EIF4E3: variants seen among roughly 807,000 people sequenced by gnomAD.
EIF4E3 encodes eukaryotic translation initiation factor 4E family member 3, also known as eukaryotic translation initiation factor 4E type 3.
Under a neutral mutation model 31.7 loss-of-function variants are expected in EIF4E3, and 26 were observed. The ratio of observed to expected loss-of-function variants is 0.82; its 90% CI spans 0.60 to 1.14. The LOEUF is 1.14. EIF4E3 is among the 50% of genes most tolerant of loss of function. EIF4E3 has a pLI of 0.00. For missense variants in EIF4E3, 304 were observed against 270.9 expected (o/e 1.12, Z -0.86); for synonymous variants, 128 against 107.7 (o/e 1.19, Z -1.17).
upstream of EIF4E3, chr3:71,754,200 C>A (rs2049974162): frequency 1.4e-6 from 2 of 1,413,852 alleles, no homozygotes; most frequent in East Asian, 3.2e-5. The surrounding 1 kb of genome is among the most constrained non-coding windows in gnomAD (Gnocchi z 5.8). Context: ...CAGCCTGCAC[C>A]GCGCCCCGTA....
At chr3:71,743,226 G>A (rs1331400209) in intron 1 of EIF4E3, among the ~76,000 whole-genome samples, 1 of 152,136 alleles carries the variant, frequency 6.6e-6, no homozygotes, top group Non-Finnish European at 1.5e-5. Flanking sequence ...CAAGACGCAT[G>A]TCTATGTAGA....
Position 71,691,347 on chromosome 3 carries a change from A to G in EIF4E3, c.473-1182T>C, listed in dbSNP as rs949021563. On this transcript the variant is annotated intron_variant, in intron 5 of 6. Transcript: ENST00000425534. Reference sequence around the variant, plus strand: ...TAAATAAAAACATATCCAATTTACTAAAAGAAATAATCGGCAGTAAAGTAA... The same window carrying G: ...TAAATAAAAACATATCCAATTTACTGAAAGAAATAATCGGCAGTAAAGTAA... Among the ~76,000 whole-genome samples the G allele has an allele frequency of 2.6e-5, 4 of 152,252 alleles. 1 individual carries two copies. The highest frequency in any genetic ancestry group is 5.9e-5 in the Non-Finnish European group (4 of 68,052).
rs558043047 is a variant in EIF4E3 at position 71,699,176 on chromosome 3, G to C, written c.344+438C>G. On this transcript the variant is annotated intron_variant, in intron 3 of 6. Coordinates refer to ENST00000425534, the MANE Select transcript of EIF4E3 (RefSeq NM_001134651.2). Reference sequence around the variant, plus strand: ...TGGGAGGTCAAGGCTGTGGTGAGCCGTGATGGTGCCACTGCACTCCAGCCT... The same window carrying C: ...TGGGAGGTCAAGGCTGTGGTGAGCCCTGATGGTGCCACTGCACTCCAGCCT... Among the ~76,000 whole-genome samples, 309 of 152,216 alleles carry C rather than the reference G, an allele frequency of 2.0e-3. 2 individuals are homozygous for C. The highest frequency in any genetic ancestry group is 1.0e-3 in the Non-Finnish European group (69 of 68,026).
At chr3:71,671,061 C>T (rs1209248567), downstream of EIF4E3, among the ~76,000 whole-genome samples, 2 of 152,022 alleles carry the variant, frequency 1.3e-5, no homozygotes, top group Non-Finnish European at 2.9e-5. Flanking sequence ...AACAGCTGAA[C>T]CTCTGTGTGC....
At chr3:71,689,299 G>A (rs2049031725) in intron 6 of EIF4E3, among the ~76,000 whole-genome samples, 1 of 152,178 alleles carries the variant, frequency 6.6e-6, no homozygotes, top group African/African-American at 2.4e-5. Flanking sequence ...TAGGGCTGTC[G>A]TCCTTTTCTC....
chr3:71,708,116 C>T (rs956980992), intron 2 of EIF4E3, among the ~76,000 whole-genome samples: 4 of 152,102 alleles, frequency 2.6e-5, no homozygotes, highest in African/African-American at 4.8e-5. Context: ...TCAAGTGATC[C>T]GCCCACCTTG....
chr3:71,739,380 C>A (rs1247120132), intron 1 of EIF4E3, among the ~76,000 whole-genome samples: 1 of 152,082 alleles, frequency 6.6e-6, no homozygotes, highest in Non-Finnish European at 1.5e-5. Context: ...AAAGTATCCA[C>A]TACCAGTAAA....
rs1169871921 is a variant in EIF4E3 at position 71,683,953 on chromosome 3, T to C, written c.*729A>G. ...AATTAAAATTCGGGTTAGAAATGTT[T>C]CCACAGAGGGTCCAAAGACTTAGAG... On this transcript the variant is annotated 3_prime_UTR_variant, in exon 7 of 7. Transcript: ENST00000425534. 1.3e-5 allele frequency: 2 copies of C among 152,212 alleles called. No homozygotes were observed. The highest frequency in any genetic ancestry group is 1.3e-4 in the Admixed American group (2 of 15,282). 9.4% of individuals were successfully genotyped at this position (152,212 alleles called of 1,614,324 possible).
At chr3:71,672,069 AGAGCAGT>A (rs2048849963), downstream of EIF4E3, among the ~76,000 whole-genome samples, 1 of 152,166 alleles carries the variant, frequency 6.6e-6, no homozygotes, top group East Asian at 1.9e-4. Flanking sequence ...GAGTGGCCCC[AGAGCAGT>A]TGCATTTTGA....
intron 2 of EIF4E3, among the ~76,000 whole-genome samples, chr3:71,706,325 A>AGACG (rs1244715558): frequency 6.6e-6 from 1 of 152,192 alleles, no homozygotes; most frequent in Non-Finnish European, 1.5e-5. Flanking sequence ...CTCAACTAAT[A>AGACG]GACGGGGTAA....
intron 1 of EIF4E3, among the ~76,000 whole-genome samples, chr3:71,743,799 G>A (rs1044187171): frequency 2.6e-5 from 4 of 152,098 alleles, no homozygotes; most frequent in Admixed American, 1.3e-4. Flanking sequence ...TCCAGGAAAA[G>A]ACCCACACAT....
chr3:71,752,121 C>G (rs899722050), intron 1 of EIF4E3, among the ~76,000 whole-genome samples: 1 of 152,052 alleles, frequency 6.6e-6, no homozygotes, highest in African/African-American at 2.4e-5. Flanking sequence ...AAAAAATATC[C>G]AAACTGTCCC....
chr3:71,668,325 A>T, the EIF4E3 span, among the ~76,000 whole-genome samples: 1 of 152,228 alleles, frequency 6.6e-6, no homozygotes, highest in African/African-American at 2.4e-5. Context: ...AGGCAATACC[A>T]TTAAGGACAT....
chr3:71,697,954 A>G (rs1288028915), intron 3 of EIF4E3, among the ~76,000 whole-genome samples: 3 of 152,226 alleles, frequency 2.0e-5, no homozygotes, highest in South Asian at 4.1e-4. Context: ...TGAATCACTA[A>G]CAGTCCTATG....
At chr3:71,719,375 G>C (rs2049511618) in intron 1 of EIF4E3, among the ~76,000 whole-genome samples, 1 of 152,112 alleles carries the variant, frequency 6.6e-6, no homozygotes. Flanking sequence ...TGAATGAGTA[G>C]GTCTGGGGCA....
intron 6 of EIF4E3, among the ~76,000 whole-genome samples, chr3:71,687,715 A>C (rs1033932594): frequency 3.9e-5 from 6 of 152,224 alleles, no homozygotes; most frequent in Admixed American, 1.3e-4. Flanking sequence ...TATCAAATGT[A>C]AGTTATCAAT....
chr3:71,661,521 T>C, the EIF4E3 span, among the ~76,000 whole-genome samples: 1 of 152,090 alleles, frequency 6.6e-6, no homozygotes, highest in Non-Finnish European at 1.5e-5. Flanking sequence ...ATGCGTCAAA[T>C]AAAGAGGATA....
In EIF4E3 at chr3:71,699,722, A is replaced by G. The variant is rs1305654281; in HGVS notation, c.250-14T>C. ...ACTCCAAAATATCTTTAAAAGAAAA[A>G]CAAACACTTTGTTTAATATACCCAG... On this transcript the variant is annotated splice_polypyrimidine_tract_variant and intron_variant, in intron 2 of 6. Transcript: ENST00000425534. The G allele has an allele frequency of 6.2e-7, 1 of 1,602,984 alleles. No individual in the cohort carries two copies. Among genetic ancestry groups the G allele is most frequent in the Non-Finnish European group, 8.5e-7 (1 of 1,172,294 alleles).
At chr3:71,668,660 G>A in the EIF4E3 span, among the ~76,000 whole-genome samples, 1 of 152,162 alleles carries the variant, frequency 6.6e-6, no homozygotes, top group African/African-American at 2.4e-5. Context: ...ATCATCATTG[G>A]TGATTAGAGA....
Sources: gnomAD v4.1 joint callset for allele counts (sites outside exome capture counted in the v4.1 genomes callset) on GRCh38, gnomAD v4.1.1 for gene constraint, Gnocchi (gnomAD v3.1) non-coding constraint, MANE v1.5 for transcripts, NCBI Gene and HGNC (gene_info 2026-07-23, HGNC 2026-07-21) for gene names.